CYP3A7: variants seen among roughly 807,000 people sequenced by gnomAD.
CYP3A7 encodes the protein cytochrome P450 family 3 subfamily A member 7.
A neutral mutation model predicts 55.2 loss-of-function variants in CYP3A7; 45 were observed. The observed-to-expected ratio is 0.82, with a 90% CI of 0.64 to 1.05. CYP3A7 has a LOEUF of 1.05. Ranked by LOEUF, CYP3A7 falls within the 50% of genes least tolerant of loss-of-function variation. CYP3A7 has a pLI of 0.00. For missense variants in CYP3A7, 548 were observed against 605.3 expected (o/e 0.91, Z 0.99); for synonymous variants, 180 against 207.4 (o/e 0.87, Z 1.13).
At chr7:99,705,717 G>T in intron 12 of CYP3A7, 122 bp from the exon 13 acceptor site, 1 of 1,229,382 alleles carries the variant, frequency 8.1e-7, no homozygotes, top group Non-Finnish European at 1.1e-6. Flanking sequence ...ACTACTTTCA[G>T]CACTATAAAT....
chr7:99,719,707 G>A (rs973823434), intron 4 of CYP3A7, among the ~76,000 whole-genome samples: 9 of 152,146 alleles, frequency 5.9e-5, no homozygotes, highest in Admixed American at 2.6e-4. Context: ...GGAGCCATAC[G>A]GAGATGGAAT....
rs571350174 is a variant in CYP3A7 at position 99,705,101 on chromosome 7, A to G, written c.*399T>C. 8.7e-4 allele frequency: 180 copies of G among 206,336 alleles called. No individual in the cohort carries two copies. The highest frequency in any genetic ancestry group is 2.0e-3 in the Middle Eastern group (1 of 504). 12.8% of individuals were successfully genotyped at this position (206,336 alleles called of 1,614,324 possible). ...AAGCTTACTATAGAATACTACAGATATAACACATGATATAAATGTCACTGT... is the reference window on the plus strand; with the variant it reads ...AAGCTTACTATAGAATACTACAGATGTAACACATGATATAAATGTCACTGT... On this transcript the variant is annotated 3_prime_UTR_variant, in exon 13 of 13. Transcript: ENST00000336374.
chr7:99,717,670 A>G (rs751495330), intron 4 of CYP3A7, 31 bp from the exon 5 acceptor site: 21 of 1,611,560 alleles, frequency 1.3e-5, no homozygotes, highest in Non-Finnish European at 1.7e-5. Context: ...ATTTTGTCCT[A>G]CATCAGTTGT....
In CYP3A7 at chr7:99,735,098, A is replaced by G. The variant is rs1216053343; in HGVS notation, c.-5T>C. On this transcript the variant is annotated 5_prime_UTR_variant, in exon 1 of 13. Transcript: ENST00000336374. The stretch of plus-strand genomic sequence containing the variant: ...CAAGTTTGGGATGAGATCCATCACT[A>G]CTTTCCTTCCTTATCTCTCTCCTCT... 13 of 1,613,478 alleles carry G rather than the reference A, an allele frequency of 8.1e-6. No individual in the cohort carries two copies. The Admixed American group carries it at 1.0e-4, about 12-fold the overall frequency.
chr7:99,718,482 A>G (rs554816918), intron 4 of CYP3A7, among the ~76,000 whole-genome samples: 1 of 152,292 alleles, frequency 6.6e-6, no homozygotes, highest in South Asian at 2.1e-4. Flanking sequence ...TATAATGAGT[A>G]CTTACAGTAC....
intron 2 of CYP3A7, among the ~76,000 whole-genome samples, chr7:99,727,750 T>A (rs1015458471): frequency 2.0e-5 from 3 of 152,160 alleles, no homozygotes; most frequent in African/African-American, 7.2e-5. Flanking sequence ...CAAGCCAAAC[T>A]CATTGCCTTA....
intron 4 of CYP3A7, among the ~76,000 whole-genome samples, chr7:99,718,819 A>C (rs2151516739): frequency 6.6e-6 from 1 of 152,362 alleles, no homozygotes; most frequent in African/African-American, 2.4e-5. Flanking sequence ...CTATGATACA[A>C]GATCAACAAA....
intron 1 of CYP3A7, among the ~76,000 whole-genome samples, chr7:99,732,332 A>G (rs112169155): frequency 0.043 from 6,492 of 152,244 alleles, 437 homozygotes; most frequent in African/African-American, 0.15. Flanking sequence ...CTTCCTGTAG[A>G]GCCTGCAGAA....
chr7:99,709,396 G>A (rs897709631), intron 10 of CYP3A7, 135 bp from the exon 11 acceptor site: 4 of 1,370,392 alleles, frequency 2.9e-6, no homozygotes, highest in African/African-American at 1.4e-5. Context: ...CATTCATAAA[G>A]TATTTTAATA....
chr7:99,718,539 A>G (rs1290933985), intron 4 of CYP3A7, among the ~76,000 whole-genome samples: 1 of 152,146 alleles, frequency 6.6e-6, no homozygotes, highest in Non-Finnish European at 1.5e-5. Context: ...AAATTCCTCC[A>G]TTTGATAAAG....
chr7:99,726,731 C>A (rs1199125981), intron 2 of CYP3A7, among the ~76,000 whole-genome samples: 1 of 152,194 alleles, frequency 6.6e-6, no homozygotes, highest in Non-Finnish European at 1.5e-5. Flanking sequence ...ATATTGATGA[C>A]CTTCTACTCT....
intron 1 of CYP3A7, among the ~76,000 whole-genome samples, chr7:99,733,268 T>C (rs1177746294): frequency 2.0e-5 from 3 of 152,194 alleles, no homozygotes; most frequent in Non-Finnish European, 4.4e-5. Context: ...GACAAACTAT[T>C]GAGTTAATGT....
chr7:99,717,259 G>A lies in CYP3A7; in HGVS notation c.439C>T (p.Pro147Ser). 1.9e-6 allele frequency: 3 copies of A among 1,613,884 alleles called. No homozygotes were observed. The highest frequency in any genetic ancestry group is 2.5e-6 in the Non-Finnish European group (3 of 1,179,840). Reference protein sequence around the residue: ...FTSGKLKEMVPIIAQYGDVLV... With the variant: ...FTSGKLKEMVSIIAQYGDVLV... ...ACATCTCCATACTGGGCAATGATAG[G>A]GACCATCTAAGCACAAAACACAACA... The change falls in exon 6 of 13, where the codon CCT becomes TCT. Residue 147 changes from proline (P) to serine (S), a missense_variant. Pro to Ser is a moderately conservative substitution (Grantham distance 74, BLOSUM62 -1). Coordinates refer to ENST00000336374, the MANE Select transcript of CYP3A7 (RefSeq NM_000765.5).
intron 12 of CYP3A7, 101 bp downstream of exon 12, chr7:99,707,711 A>G: frequency 6.4e-7 from 1 of 1,554,258 alleles, no homozygotes; most frequent in Non-Finnish European, 8.7e-7. Flanking sequence ...CATAGAACAA[A>G]TTATTAAAAG....
Position 99,705,579 on chromosome 7 carries a change from C to T in CYP3A7, c.1433G>A (p.Arg478His), listed in dbSNP as rs749574339. 25 of 1,613,132 alleles carry T rather than the reference C, an allele frequency of 1.5e-5. No homozygotes were observed. Among genetic ancestry groups the T allele is most frequent in the East Asian group, 1.1e-4 (5 of 44,852 alleles). Reference protein sequence around the residue: ...CKETQIPLKLRFGGLLLTEKP... With the variant: ...CKETQIPLKLHFGGLLLTEKP... Reference sequence around the variant, plus strand: ...TTCTGTTAGAAGAAGTCCTCCAAAGCGTAATTTCAGGGGGATCTGCAACAG... The same window carrying T: ...TTCTGTTAGAAGAAGTCCTCCAAAGTGTAATTTCAGGGGGATCTGCAACAG... Residue 478 changes from arginine (R) to histidine (H), a missense_variant, in exon 13 of 13, where the codon CGC becomes CAC. Arg to His is a conservative substitution (Grantham distance 29). Coordinates refer to ENST00000336374, the MANE Select transcript of CYP3A7 (RefSeq NM_000765.5).
At chr7:99,705,828 G>A (rs573920585) in intron 12 of CYP3A7, among the ~76,000 whole-genome samples, 1 of 152,172 alleles carries the variant, frequency 6.6e-6, no homozygotes, top group Non-Finnish European at 1.5e-5. Context: ...CACCTATTCT[G>A]TGTGAGGTTT....
intron 2 of CYP3A7, among the ~76,000 whole-genome samples, chr7:99,724,183 C>T (rs1814320430): frequency 6.6e-6 from 1 of 152,204 alleles, no homozygotes; most frequent in Admixed American, 6.5e-5. Flanking sequence ...CTCTTCTTCT[C>T]CCTTAGCCTG....
intron 2 of CYP3A7, 25 bp downstream of exon 2, chr7:99,731,034 A>ATT: frequency 2.5e-6 from 4 of 1,613,318 alleles, no homozygotes; most frequent in Non-Finnish European, 3.4e-6. Context: ...ATAAGAAGCA[A>ATT]AAGAGGAAGC....
chr7:99,720,220 G>GC, intron 4 of CYP3A7, 93 bp downstream of exon 4: 1 of 1,519,506 alleles, frequency 6.6e-7, no homozygotes, highest in African/African-American at 1.4e-5. Context: ...TTCCTGCACA[G>GC]TTTTTAGGCA....
Sources: allele counts gnomAD v4.1 joint callset (sites outside exome capture counted in the v4.1 genomes callset), GRCh38; gene constraint gnomAD v4.1.1; transcripts MANE v1.5; gene names NCBI Gene and HGNC (gene_info 2026-07-23, HGNC 2026-07-21).